MAML3: variants seen among roughly 807,000 people sequenced by gnomAD.
The protein encoded by MAML3 is mastermind-like protein 3.
Under a neutral mutation model 101.9 loss-of-function variants are expected in MAML3, and 27 were observed. The ratio of observed to expected loss-of-function variants is 0.27; its 90% CI spans 0.20 to 0.37. MAML3 has a LOEUF of 0.37. MAML3 is among the 10% of genes least tolerant of loss of function. The pLI is 1.00. For synonymous variants in MAML3, 501 were observed against 555.9 expected, an observed-to-expected ratio of 0.90 and a Z score of 1.39; for missense variants, 1,316 against 1,444.9, an observed-to-expected ratio of 0.91 and a Z score of 1.45.
chr4:139,888,541 G>A (rs1184730532), intron 2 of MAML3: 3 of 518,842 alleles, frequency 5.8e-6, no homozygotes, highest in African/African-American at 5.8e-5. Context: ...TTTGCCACTG[G>A]TCAGGATGAA....
chr4:140,061,639 T>G (rs1378036875), intron 1 of MAML3, among the ~76,000 whole-genome samples: 2 of 152,226 alleles, frequency 1.3e-5, no homozygotes, highest in Admixed American at 1.3e-4. Context: ...AGTTTTCACC[T>G]ATTTAATGAA....
At chr4:140,055,648 C>T (rs1339132408) in intron 1 of MAML3, among the ~76,000 whole-genome samples, 1 of 152,102 alleles carries the variant, frequency 6.6e-6, no homozygotes, top group Non-Finnish European at 1.5e-5. Context: ...AAATATAGCT[C>T]CTTGAGCACT....
intron 1 of MAML3, among the ~76,000 whole-genome samples, chr4:139,925,621 A>T (rs1324725321): frequency 6.6e-6 from 1 of 152,168 alleles, no homozygotes; most frequent in Non-Finnish European, 1.5e-5. Context: ...TGAGAGAATG[A>T]TAGGAACTGG....
intron 1 of MAML3, among the ~76,000 whole-genome samples, chr4:140,005,687 C>T (rs1204717205): frequency 6.6e-6 from 1 of 152,234 alleles, no homozygotes; most frequent in African/African-American, 2.4e-5. Context: ...AACTGAAAAT[C>T]ATACATCCTG....
chr4:139,792,022 T>C (rs938251658), intron 2 of MAML3, among the ~76,000 whole-genome samples: 1 of 152,198 alleles, frequency 6.6e-6, no homozygotes, highest in Non-Finnish European at 1.5e-5. Flanking sequence ...CAGATGCATG[T>C]TGGAGGCTAG....
intron 1 of MAML3, among the ~76,000 whole-genome samples, chr4:139,996,798 C>T (rs897705161): frequency 6.6e-6 from 1 of 151,780 alleles, no homozygotes; most frequent in African/African-American, 2.4e-5. Flanking sequence ...CGGTGGCTCA[C>T]GCCTGTAATC....
At chr4:139,745,735 A>G (rs1263790343) in intron 2 of MAML3, among the ~76,000 whole-genome samples, 1 of 152,218 alleles carries the variant, frequency 6.6e-6, no homozygotes, top group Non-Finnish European at 1.5e-5. Flanking sequence ...CCCTATTTTT[A>G]AAAAACTAAA....
At chr4:140,104,371 T>C (rs1448044872) in intron 1 of MAML3, among the ~76,000 whole-genome samples, 1 of 10,098 alleles carries the variant, frequency 9.9e-5, no homozygotes, top group Non-Finnish European at 2.8e-4. Flanking sequence ...TTTATATATA[T>C]ATATAATATA....
chr4:140,004,728 C>A (rs912350085), intron 1 of MAML3, among the ~76,000 whole-genome samples: 2 of 152,044 alleles, frequency 1.3e-5, no homozygotes, highest in African/African-American at 2.4e-5. Context: ...GGGAGCCTGG[C>A]GCAGCTCCCT....
chr4:139,755,438 C>T (rs1729626288), intron 2 of MAML3, among the ~76,000 whole-genome samples: 1 of 152,110 alleles, frequency 6.6e-6, no homozygotes, highest in African/African-American at 2.4e-5. Flanking sequence ...GAAACCCCGT[C>T]TCTACTAAAT....
chr4:139,732,210 C>CGGTA (rs1728752827), intron 2 of MAML3, among the ~76,000 whole-genome samples: 2 of 152,048 alleles, frequency 1.3e-5, no homozygotes. Flanking sequence ...ATGCAGATAC[C>CGGTA]GTTAAACATA....
In MAML3 at chr4:139,889,911, GC is replaced by G. The variant is rs746758392; in HGVS notation, c.1524del (p.Gln508HisfsTer14). The G allele has an allele frequency of 2.1e-5, 5 of 233,544 alleles. No individual in the cohort carries two copies. In the East Asian group the frequency reaches 8.5e-4, roughly 40 times the overall value. 14.5% of individuals were successfully genotyped at this position (233,544 alleles called of 1,614,324 possible). A position where few individuals can be genotyped will look rare whatever the true frequency, so the allele number is the denominator to read the frequency against. ...TTTGAAGTCTGATTTGAGTGCTGTT[GC>G]TGCTGCTGCTGCTGCTGCTGCTGCT... is the stretch of plus-strand genomic sequence containing the variant. ...QQQQQQQQQQ[Q>X]QQHSNQTSNW... On this transcript the variant is annotated frameshift_variant, in exon 2 of 5. Transcript: ENST00000509479. LOFTEE classifies it high-confidence loss of function.
At chr4:140,006,826 C>T (rs1726461462) in intron 1 of MAML3, among the ~76,000 whole-genome samples, 1 of 152,076 alleles carries the variant, frequency 6.6e-6, no homozygotes, top group Non-Finnish European at 1.5e-5. Flanking sequence ...ATAATAATAG[C>T]AAAGACTTAC....
rs1373673205 is a variant in MAML3, at chr4:139,876,769, C to T, written c.2079+12588G>A. Among the ~76,000 whole-genome samples, 4 of 152,244 alleles carry T rather than the reference C, an allele frequency of 2.6e-5. No homozygotes were observed. In the South Asian group the frequency reaches 6.2e-4, roughly 24 times the overall value. On this transcript the variant is annotated intron_variant, in intron 2 of 4. Coordinates refer to ENST00000509479, the MANE Select transcript of MAML3 (RefSeq NM_018717.5). The stretch of plus-strand genomic sequence containing the variant: ...CAGCAGAGGGTACACAAGGGGTTGC[C>T]ATCACACCTGGGGTGCCTGCAGGCT...
rs1732482999 is a variant in MAML3 at position 139,890,929 on chromosome 4, T to A, written c.507A>T (p.Arg169=). The change falls in exon 2 of 5, where the codon CGA becomes CGT. Residue 169 remains arginine (R), a synonymous_variant. Coordinates refer to ENST00000509479, the MANE Select transcript of MAML3 (RefSeq NM_018717.5). This position sits in a 1 kb window ranked among gnomAD's most constrained non-coding sequence, Gnocchi z 4.1. Reference sequence around the variant, plus strand: ...TCTGCTGGTCTCCATTAAGTGGTGATCGAGCTCCTTCCAACTTCCTTTTCA... The same window carrying A: ...TCTGCTGGTCTCCATTAAGTGGTGAACGAGCTCCTTCCAACTTCCTTTTCA... ...ETVKRKLEGA[R]SPLNGDQQNG... The A allele has an allele frequency of 6.2e-7, 1 of 1,613,244 alleles. No homozygotes were observed. Among genetic ancestry groups the A allele is most frequent in the Non-Finnish European group, 8.5e-7 (1 of 1,179,474 alleles).
rs923126234 is a variant in MAML3, at chr4:139,735,402, G to A, written c.2080-4735C>T. On this transcript the variant is annotated intron_variant, in intron 2 of 4. Coordinates refer to ENST00000509479, the MANE Select transcript of MAML3 (RefSeq NM_018717.5). This position sits in a 1 kb window ranked among gnomAD's most constrained non-coding sequence, Gnocchi z 5.8. ...GGAGGAAGAATTCAAGTGGGGGAGG[G>A]CGCGGGAAGGGGACGTGGAGGGAAA... is the stretch of plus-strand genomic sequence containing the variant. Among the ~76,000 whole-genome samples, 1 of 151,910 alleles carries A rather than the reference G, an allele frequency of 6.6e-6. No homozygotes were observed. Among genetic ancestry groups the A allele is most frequent in the Non-Finnish European group, 1.5e-5 (1 of 67,984 alleles).
At chr4:139,820,675 G>A (rs1046731027) in intron 2 of MAML3, among the ~76,000 whole-genome samples, 4 of 152,044 alleles carry the variant, frequency 2.6e-5, no homozygotes, top group African/African-American at 7.2e-5. Context: ...TTATTACAGC[G>A]TGGACATTTC....
chr4:139,744,216 G>C (rs138992295), intron 2 of MAML3, among the ~76,000 whole-genome samples: 1 of 152,306 alleles, frequency 6.6e-6, no homozygotes, highest in East Asian at 1.9e-4. Context: ...CCTAATAGAG[G>C]TTCAGGGATC....
intron 1 of MAML3, among the ~76,000 whole-genome samples, chr4:140,083,860 C>A (rs1350806274): frequency 1.3e-5 from 2 of 151,818 alleles, no homozygotes; most frequent in Non-Finnish European, 2.9e-5. Context: ...TTCGCCCCAA[C>A]ACACTGACTC....
Sources: allele counts gnomAD v4.1 joint callset (sites outside exome capture counted in the v4.1 genomes callset), GRCh38; gene constraint gnomAD v4.1.1; non-coding constraint Gnocchi (gnomAD v3.1); transcripts MANE v1.5; gene names NCBI Gene and HGNC (gene_info 2026-07-23, HGNC 2026-07-21).